Variants in ARHGAP26 observed in about 807,000 individuals in gnomAD.
ARHGAP26 encodes the protein rho GTPase-activating protein 26.
In ARHGAP26, 38 loss-of-function variants were observed where a neutral mutation model predicts 104.8. The ratio of observed to expected loss-of-function variants is 0.36; its 90% confidence interval spans 0.28 to 0.48. The LOEUF is 0.48. ARHGAP26 is among the 20% of genes least tolerant of loss of function. The pLI, the probability that ARHGAP26 is intolerant of heterozygous loss-of-function variation, is 0.99. For missense variants in ARHGAP26, 704 were observed against 947.9 expected, an observed-to-expected ratio of 0.74 and a Z score of 3.38; for synonymous variants, 341 against 340.0, an observed-to-expected ratio of 1.00 and a Z score of -0.03.
intron 11 of ARHGAP26, among the ~76,000 whole-genome samples, chr5:142,946,148 A>G (rs1352247198): frequency 1.3e-5 from 2 of 152,236 alleles, no homozygotes; most frequent in Non-Finnish European, 2.9e-5. Flanking sequence ...TGCATCTTCT[A>G]AAGCCTCTCT....
At position 142,912,304 on chromosome 5, in the gene ARHGAP26, AC is replaced by A. The variant is rs368634142; in HGVS notation, c.934-894del. ...AATTACGTTAAGTGAAAAAAGCCAG[AC>A]AAAAAGAGCACATACTGTGTAGTTC... On this transcript the variant is annotated intron_variant, in intron 9 of 22. Coordinates refer to ENST00000645722, the MANE Select transcript of ARHGAP26 (RefSeq NM_001135608.3). Among the ~76,000 whole-genome samples, 3 of 152,362 alleles carry A rather than the reference AC, an allele frequency of 2.0e-5. No individual in the cohort carries two copies. In the East Asian group the frequency reaches 5.8e-4, roughly 29 times the overall value.
chr5:143,103,783 C>T (rs1026641427), intron 17 of ARHGAP26, among the ~76,000 whole-genome samples: 1 of 151,940 alleles, frequency 6.6e-6, no homozygotes. Flanking sequence ...CAGCATACAC[C>T]GGGACCTAAC....
chr5:142,887,852 C>T (rs1340530167), intron 5 of ARHGAP26, among the ~76,000 whole-genome samples: 3 of 152,146 alleles, frequency 2.0e-5, no homozygotes, highest in African/African-American at 7.2e-5. Context: ...GTAGTCCCAG[C>T]TACTCAGGAG....
chr5:142,973,118 G>A (rs1034024644), intron 11 of ARHGAP26, among the ~76,000 whole-genome samples: 11 of 152,138 alleles, frequency 7.2e-5, no homozygotes, highest in African/African-American at 2.7e-4. Context: ...GATGAAAATG[G>A]ACCCTGACAG....
intron 22 of ARHGAP26, chr5:143,216,451 C>A: frequency 2.8e-6 from 1 of 362,362 alleles, no homozygotes; most frequent in Admixed American, 3.5e-5. Context: ...GACCTCACGC[C>A]CTCACTTGAC....
intron 10 of ARHGAP26, among the ~76,000 whole-genome samples, chr5:142,927,160 G>T (rs976331358): frequency 2.6e-5 from 4 of 151,982 alleles, no homozygotes; most frequent in Admixed American, 2.6e-4. Flanking sequence ...TATTTAAAAC[G>T]ATTTTTACTG....
chr5:143,159,489 A>AT, intron 20 of ARHGAP26, among the ~76,000 whole-genome samples: 1 of 152,358 alleles, frequency 6.6e-6, no homozygotes, highest in South Asian at 2.1e-4. Flanking sequence ...TCAAAGGCAC[A>AT]TTAAAGGGGG....
intron 1 of ARHGAP26, among the ~76,000 whole-genome samples, chr5:142,802,354 G>T (rs943881244): frequency 6.6e-6 from 1 of 152,134 alleles, no homozygotes; most frequent in Non-Finnish European, 1.5e-5. Flanking sequence ...AGGTCCATGC[G>T]AAGTCAATTT....
At chr5:143,122,606 A>G (rs942104890) in intron 18 of ARHGAP26, among the ~76,000 whole-genome samples, 1 of 152,262 alleles carries the variant, frequency 6.6e-6, no homozygotes, top group African/African-American at 2.4e-5. Flanking sequence ...TGAATATTCC[A>G]GGAGCTGAGC....
chr5:142,906,100 A>G (rs944961335), intron 8 of ARHGAP26, among the ~76,000 whole-genome samples: 1 of 152,202 alleles, frequency 6.6e-6, no homozygotes, highest in African/African-American at 2.4e-5. Context: ...TTTCTTCATG[A>G]TTAGATTTGG....
At chr5:142,889,781 TGTGA>T (rs1429253578) in intron 5 of ARHGAP26, among the ~76,000 whole-genome samples, 1 of 152,022 alleles carries the variant, frequency 6.6e-6, no homozygotes, top group East Asian at 1.9e-4. Context: ...TTCTTCAGGT[TGTGA>T]GTGTGTCGCA....
At chr5:142,938,631 T>C (rs1328154688) in intron 11 of ARHGAP26, among the ~76,000 whole-genome samples, 1 of 152,198 alleles carries the variant, frequency 6.6e-6, no homozygotes, top group African/African-American at 2.4e-5. Context: ...TGCCAACATA[T>C]ACACACCCAA....
At chr5:143,041,975 C>A in intron 14 of ARHGAP26, 85 bp downstream of exon 14, 2 of 1,199,124 alleles carry the variant, frequency 1.7e-6, no homozygotes, top group Admixed American at 2.0e-5. Context: ...GTAGATACAG[C>A]CTGTGGCAAA....
At chr5:143,141,244 A>G (rs1366923503) in intron 19 of ARHGAP26, among the ~76,000 whole-genome samples, 3 of 152,270 alleles carry the variant, frequency 2.0e-5, no homozygotes, top group Non-Finnish European at 2.9e-5. Flanking sequence ...AGTTCCAGCT[A>G]GACCCATTAA....
At chr5:143,056,116 G>A in intron 16 of ARHGAP26, 30 bp downstream of exon 16, 1 of 1,572,078 alleles carries the variant, frequency 6.4e-7, no homozygotes, top group Non-Finnish European at 8.7e-7. Flanking sequence ...GTTTTAAGGG[G>A]AAGAGAATAG....
At chr5:142,959,117 G>A (rs1769774136) in intron 11 of ARHGAP26, among the ~76,000 whole-genome samples, 1 of 152,162 alleles carries the variant, frequency 6.6e-6, no homozygotes, top group African/African-American at 2.4e-5. Context: ...TCACACAAGT[G>A]GCTGGTAGCA....
chr5:143,195,194 G>A (rs1051411789), intron 20 of ARHGAP26, among the ~76,000 whole-genome samples: 8 of 152,192 alleles, frequency 5.3e-5, no homozygotes, highest in African/African-American at 1.9e-4. Context: ...TCGTGCATTT[G>A]CAAGAGTTTA....
intron 11 of ARHGAP26, among the ~76,000 whole-genome samples, chr5:142,990,541 G>C (rs552594372): frequency 6.6e-6 from 1 of 152,178 alleles, no homozygotes; most frequent in Non-Finnish European, 1.5e-5. Flanking sequence ...GAGATGCTCT[G>C]ATTTTTAGAA....
At chr5:143,053,422 C>G (rs1251180671) in intron 14 of ARHGAP26, among the ~76,000 whole-genome samples, 1 of 152,088 alleles carries the variant, frequency 6.6e-6, no homozygotes, top group Non-Finnish European at 1.5e-5. Context: ...GCTGGATTCT[C>G]CCTCCTGTGC....
Sources: gnomAD v4.1 joint callset for allele counts (sites outside exome capture counted in the v4.1 genomes callset) on GRCh38, gnomAD v4.1.1 for gene constraint, MANE v1.5 for transcripts, NCBI Gene and HGNC (gene_info 2026-07-23, HGNC 2026-07-21) for gene names.